The following DMD variants were observed in gnomAD, a reference collection of about 807,000 sequenced individuals.
The protein encoded by DMD is mutant dystrophin.
DMD carries 63 observed loss-of-function variants against 330.1 expected under a neutral mutation model. The observed-to-expected ratio is 0.19, with a 90% CI of 0.16 to 0.24. DMD has a LOEUF of 0.24. Ranked by LOEUF, DMD falls within the 10% of genes least tolerant of loss-of-function variation. The pLI is 1.00. For synonymous variants in DMD, 1,223 were observed against 959.8 expected (o/e 1.27, Z -5.07); for missense variants, 3,344 against 2,684.1 (o/e 1.25, Z -5.43).
intron 59 of DMD, among the ~76,000 whole-genome samples, chrX:31,473,283 G>C (rs1212550081): frequency 1.9e-5 from 2 of 107,594 alleles, no homozygotes; most frequent in Non-Finnish European, 3.8e-5. Context: ...GCAGAGAATT[G>C]CTTGAACCCA....
intron 63 of DMD, among the ~76,000 whole-genome samples, chrX:31,241,105 CT>C (rs2048231543): frequency 9.0e-6 from 1 of 111,285 alleles, no homozygotes; most frequent in Non-Finnish European, 1.9e-5. Context: ...CCCTGTACTT[CT>C]TGTTATAAAG....
chrX:32,455,378 T>A (rs1310354131), intron 25 of DMD, among the ~76,000 whole-genome samples: 3 of 111,408 alleles, frequency 2.7e-5, no homozygotes, highest in Non-Finnish European at 5.7e-5. Flanking sequence ...CCATTTATAG[T>A]TAAATGATTG....
chrX:32,395,344 T>C (rs1184075714), intron 30 of DMD, among the ~76,000 whole-genome samples: 2 of 109,998 alleles, frequency 1.8e-5, no homozygotes, highest in East Asian at 5.7e-4. Flanking sequence ...AGGCAGACTG[T>C]AGATATATAA....
intron 4 of DMD, among the ~76,000 whole-genome samples, chrX:32,838,818 C>T (rs1415997494): frequency 8.9e-6 from 1 of 112,011 alleles, no homozygotes; most frequent in Non-Finnish European, 1.9e-5. Flanking sequence ...TGCTTTTACA[C>T]TGTTGGTGGG....
chrX:31,198,153 GAAGA>G (rs1010528561), intron 67 of DMD, among the ~76,000 whole-genome samples: 1 of 110,790 alleles, frequency 9.0e-6, no homozygotes, highest in African/African-American at 3.3e-5. Flanking sequence ...AATACAGTAA[GAAGA>G]AATATGATCT....
intron 13 of DMD, among the ~76,000 whole-genome samples, chrX:32,585,332 T>A (rs1461897639): frequency 8.9e-6 from 1 of 112,253 alleles, no homozygotes; most frequent in Non-Finnish European, 1.9e-5. Flanking sequence ...ACTCTATAAG[T>A]ATGTACAAAT....
intron 30 of DMD, among the ~76,000 whole-genome samples, chrX:32,409,071 G>C (rs185941089): frequency 7.2e-5 from 8 of 110,950 alleles, no homozygotes; most frequent in African/African-American, 1.3e-4. Context: ...TGGGAATTTC[G>C]AGCTGCTTTT....
At chrX:31,137,789 G>A (rs1366934817) in intron 76 of DMD, among the ~76,000 whole-genome samples, 1 of 110,932 alleles carries the variant, frequency 9.0e-6, no homozygotes, top group Admixed American at 9.5e-5. Flanking sequence ...GGGCTAGCAA[G>A]GGACAATGAG....
chrX:32,102,780 C>G (rs954031722), intron 44 of DMD, among the ~76,000 whole-genome samples: 7 of 111,428 alleles, frequency 6.3e-5, no homozygotes, highest in African/African-American at 2.3e-4. Context: ...TTGTACTAGT[C>G]TTCTTATGCA....
chrX:31,774,054 G>T lies in DMD; in HGVS notation c.7448C>A (p.Thr2483Asn), dbSNP rs751312632. The T allele has an allele frequency of 1.7e-6, 2 of 1,210,752 alleles. No homozygotes were observed. The highest frequency in any genetic ancestry group is 3.5e-5 in the South Asian group (2 of 56,948). ...ADFNRAWTEL[T>N]DWLSLLDQVI... is the part of the protein sequence containing the mutation. The stretch of plus-strand genomic sequence containing the variant: ...TTGATCAAGCAGAGAAAGCCAGTCG[G>T]TAAGTTCTGTCCAAGCCCGGTTGAA... The change falls in exon 51 of 79, where the codon ACC (threonine) becomes AAC (asparagine). Residue 2483 changes from threonine to asparagine, a missense_variant. Transcript: ENST00000357033.
intron 1 of DMD, among the ~76,000 whole-genome samples, chrX:33,141,509 G>T (rs1433081897): frequency 9.0e-6 from 1 of 111,387 alleles, no homozygotes; most frequent in Non-Finnish European, 1.9e-5. Context: ...ATGCAAAAAA[G>T]TACTATAAAT....
chrX:31,573,935 T>C (rs1343299410), intron 55 of DMD, among the ~76,000 whole-genome samples: 1 of 110,962 alleles, frequency 9.0e-6, no homozygotes, highest in Non-Finnish European at 1.9e-5. Context: ...GTGCTTTATA[T>C]AAGTTTTCTC....
At chrX:32,417,787 T>C (rs1361094849) in intron 29 of DMD, among the ~76,000 whole-genome samples, 2 of 108,757 alleles carry the variant, frequency 1.8e-5, no homozygotes, top group Non-Finnish European at 3.8e-5. Context: ...ATCCCATACT[T>C]GTACCCCAAA....
chrX:32,500,234 T>C (rs1286547745), intron 19 of DMD, among the ~76,000 whole-genome samples: 1 of 111,337 alleles, frequency 9.0e-6, no homozygotes, highest in Non-Finnish European at 1.9e-5. Flanking sequence ...CCTCAACGAC[T>C]GCCTTAATTT....
chrX:31,120,748 G>A lies in DMD; in HGVS notation c.*1171C>T, dbSNP rs923480339. ...CCAGCCCTATCATCGTCCTGCTACT[G>A]CTTGGGAGTTAAAAAATACCTTCTG... On this transcript the variant is annotated 3_prime_UTR_variant, in exon 79 of 79. Coordinates refer to ENST00000357033, the MANE Select transcript of DMD (RefSeq NM_004006.3). The A allele has an allele frequency of 1.0e-4, 11 of 110,335 alleles. No individual in the cohort carries two copies. The highest frequency in any genetic ancestry group is 3.6e-4 in the African/African-American group (11 of 30,326). 9.1% of individuals were successfully genotyped at this position (110,335 alleles called of 1,213,427 possible).
intron 52 of DMD, among the ~76,000 whole-genome samples, chrX:31,685,969 G>A (rs2082664466): frequency 9.0e-6 from 1 of 111,254 alleles, no homozygotes; most frequent in Admixed American, 9.6e-5. Flanking sequence ...CTTAATTATT[G>A]GCTTCTTTCA....
Position 31,803,267 on chromosome X carries a change from C to T in DMD, c.7309+16708G>A, listed in dbSNP as rs1461699606. Among the ~76,000 whole-genome samples, 13 of 112,107 alleles carry T rather than the reference C, an allele frequency of 1.2e-4. No individual in the cohort carries two copies. In the Admixed American group the frequency reaches 1.2e-3, roughly 11 times the overall value. On this transcript the variant is annotated intron_variant, in intron 50 of 78. Transcript: ENST00000357033. ...GGGATGCTGTCAGCTAAAGGCAAGTCTGAACTCACACAGGGCTGTCCACTG... is the reference window on the plus strand; with the variant it reads ...GGGATGCTGTCAGCTAAAGGCAAGTTTGAACTCACACAGGGCTGTCCACTG...
At chrX:32,025,820 A>T (rs2095842131) in intron 44 of DMD, among the ~76,000 whole-genome samples, 1 of 111,873 alleles carries the variant, frequency 8.9e-6, no homozygotes, top group Admixed American at 9.5e-5. Flanking sequence ...CCTAAGACCC[A>T]GGGGCTCCAG....
chrX:32,275,570 A>G (rs1383624404), intron 43 of DMD, among the ~76,000 whole-genome samples: 1 of 112,246 alleles, frequency 8.9e-6, no homozygotes, highest in Non-Finnish European at 1.9e-5. Context: ...AAATTTTTAA[A>G]TACTTTCAGT....
Sources: allele counts gnomAD v4.1 joint callset (sites outside exome capture counted in the v4.1 genomes callset), GRCh38; gene constraint gnomAD v4.1.1; transcripts MANE v1.5; gene names NCBI Gene and HGNC (gene_info 2026-07-23, HGNC 2026-07-21).